The following TENM4 variants were observed in gnomAD, a reference collection of about 807,000 sequenced individuals.
The protein encoded by TENM4 is teneurin transmembrane protein 4.
Under a neutral mutation model 243.3 loss-of-function variants are expected in TENM4, and 82 were observed. The observed-to-expected ratio is 0.34, with a 90% CI of 0.28 to 0.40. The LOEUF (loss-of-function observed/expected upper bound fraction) is 0.40. Among genes scored for constraint, TENM4 ranks in the 10% least tolerant of loss-of-function variants. The probability of loss-of-function intolerance (pLI) is 1.00; values close to 1 mark genes in which losing one functional copy is unlikely to be tolerated. For synonymous variants in TENM4, 1,412 were observed against 1,456.3 expected (o/e 0.97, Z 0.69); for missense variants, 3,138 against 3,673.3 (o/e 0.85, Z 3.77).
At chr11:79,333,249 T>A (rs1466986237) in intron 1 of TENM4, among the ~76,000 whole-genome samples, 2 of 151,596 alleles carry the variant, frequency 1.3e-5, no homozygotes, top group African/African-American at 4.9e-5. Flanking sequence ...CATCCATCTA[T>A]CCATCCATCC....
At chr11:79,407,214 T>C (rs1354206772) in intron 1 of TENM4, among the ~76,000 whole-genome samples, 2 of 152,226 alleles carry the variant, frequency 1.3e-5, no homozygotes, top group East Asian at 1.9e-4. Context: ...ATCATTCTAC[T>C]TACTGCTAAG....
At position 79,440,852 on chromosome 11, in the gene TENM4, C is replaced by CGCGCGT. The variant is rs1468614577; in HGVS notation, c.-665_-664insACGCGC. The CGCGCGT allele has an allele frequency of 7.6e-6, 1 of 132,236 alleles. No homozygotes were observed. The highest frequency in any genetic ancestry group is 7.7e-5 in the Admixed American group (1 of 13,002). 8.2% of individuals were successfully genotyped at this position (132,236 alleles called of 1,614,324 possible). ...GGGTTGGGGCGGGTGTGTGCGCGCG[C>CGCGCGT]GTGTGTGAGTGTGTGTGTGTGTGTG... On this transcript the variant is annotated 5_prime_UTR_variant, in exon 1 of 34. Coordinates refer to ENST00000278550, the MANE Select transcript of TENM4 (RefSeq NM_001098816.3). This position sits in a 1 kb window ranked among gnomAD's most constrained non-coding sequence, Gnocchi z 4.7.
At chr11:79,060,266 C>A (rs74646420) in intron 6 of TENM4, among the ~76,000 whole-genome samples, 1 of 152,118 alleles carries the variant, frequency 6.6e-6, no homozygotes, top group African/African-American at 2.4e-5. Flanking sequence ...CTGAAGGCCC[C>A]GAGTAGGAAG....
intron 15 of TENM4, 105 bp downstream of exon 15, chr11:78,805,187 C>T (rs1318253219): frequency 7.8e-5 from 57 of 727,752 alleles, no homozygotes; most frequent in South Asian, 9.8e-5. Context: ...CTCAGAGGCA[C>T]GGGGAATGCA....
At chr11:78,932,027 C>G (rs995416531) in intron 6 of TENM4, among the ~76,000 whole-genome samples, 1 of 152,134 alleles carries the variant, frequency 6.6e-6, no homozygotes. Context: ...ATGGCTACTT[C>G]ATAGGGTTAT....
intron 1 of TENM4, among the ~76,000 whole-genome samples, chr11:79,358,032 T>G (rs1182459890): frequency 3.3e-5 from 5 of 152,216 alleles, no homozygotes; most frequent in Non-Finnish European, 5.9e-5. Flanking sequence ...GTAATTACCA[T>G]GCCCTGAGCT....
chr11:79,424,633 C>CAAAA (rs58550229), intron 1 of TENM4, among the ~76,000 whole-genome samples: 2 of 134,202 alleles, frequency 1.5e-5, no homozygotes, highest in African/African-American at 2.7e-5. Flanking sequence ...ACCCTGTCTC[C>CAAAA]AAAAAAAAAA....
At chr11:79,116,762 A>G (rs1020987627) in intron 4 of TENM4, among the ~76,000 whole-genome samples, 1 of 152,206 alleles carries the variant, frequency 6.6e-6, no homozygotes, top group African/African-American at 2.4e-5. Context: ...TAGACCTCAG[A>G]TTCCAATTCT....
chr11:78,850,061 C>CTGTGTGTGTGTG (rs142162971), intron 12 of TENM4, among the ~76,000 whole-genome samples: 1 of 149,788 alleles, frequency 6.7e-6, no homozygotes, highest in Non-Finnish European at 1.5e-5. Flanking sequence ...TTTCAGTGCT[C>CTGTGTGTGTGTG]TGTGTGTGTG....
intron 1 of TENM4, among the ~76,000 whole-genome samples, chr11:79,423,676 G>A (rs1337380217): frequency 6.6e-6 from 1 of 151,742 alleles, no homozygotes; most frequent in Admixed American, 6.6e-5. Context: ...AGCAGCAGGC[G>A]CAGGGAGGGT....
At chr11:79,107,835 C>A (rs554340124) in intron 4 of TENM4, among the ~76,000 whole-genome samples, 5 of 152,304 alleles carry the variant, frequency 3.3e-5, no homozygotes, top group African/African-American at 9.6e-5. Flanking sequence ...TACTGTCAAC[C>A]CTATTTGAGC....
At chr11:79,357,128 A>C (rs1383393088) in intron 1 of TENM4, among the ~76,000 whole-genome samples, 1 of 152,192 alleles carries the variant, frequency 6.6e-6, no homozygotes, top group Non-Finnish European at 1.5e-5. Context: ...ACATGGTGCG[A>C]GATGCTTCAT....
In TENM4 at chr11:79,298,521, CAAAAAAAAA is replaced by C. The variant is rs61373828; in HGVS notation, c.-320-987_-320-979del. Among the ~76,000 whole-genome samples, 5 of 17,268 alleles carry C rather than the reference CAAAAAAAAA, an allele frequency of 2.9e-4. No homozygotes were observed. The South Asian group carries it at 9.3e-3, about 32-fold the overall frequency. 11.3% of individuals were successfully genotyped at this position (17,268 alleles called of 152,430 possible). A position where few individuals can be genotyped will look rare whatever the true frequency, so the allele number is the denominator to read the frequency against. ...TGGGTGACAGAGCAAGACTCCGTCTCAAAAAAAAAAAAAAAAAAAAAAAAAAAGAAAAAC... is the reference window on the plus strand; with the variant it reads ...TGGGTGACAGAGCAAGACTCCGTCTCAAAAAAAAAAAAAAAAAAGAAAAAC... On this transcript the variant is annotated intron_variant, in intron 1 of 33. Transcript: ENST00000278550.
chr11:78,976,461 A>G (rs1857657385), intron 6 of TENM4, among the ~76,000 whole-genome samples: 2 of 152,274 alleles, frequency 1.3e-5, no homozygotes, highest in Non-Finnish European at 2.9e-5. Context: ...AGCATATACT[A>G]AGAGATATTT....
chr11:78,976,147 A>G (rs1480325760), intron 6 of TENM4, among the ~76,000 whole-genome samples: 1 of 152,238 alleles, frequency 6.6e-6, no homozygotes, highest in African/African-American at 2.4e-5. Context: ...TGGGAAGAGG[A>G]CAATAATGTT....
intron 6 of TENM4, among the ~76,000 whole-genome samples, chr11:78,953,202 A>T (rs1382413422): frequency 6.6e-6 from 1 of 152,208 alleles, no homozygotes; most frequent in Non-Finnish European, 1.5e-5. Flanking sequence ...GGCTCCAGCA[A>T]GAGCATCTGA....
At chr11:79,105,843 C>T (rs1024938242) in intron 4 of TENM4, among the ~76,000 whole-genome samples, 17 of 152,162 alleles carry the variant, frequency 1.1e-4, no homozygotes, top group Admixed American at 2.6e-4. Context: ...CAGCTTATGC[C>T]GGGTGAACTC....
At chr11:79,386,960 G>A (rs887437319) in intron 1 of TENM4, among the ~76,000 whole-genome samples, 3 of 152,060 alleles carry the variant, frequency 2.0e-5, no homozygotes, top group Non-Finnish European at 4.4e-5. Context: ...AATGTTCACC[G>A]AAGCACCATT....
At chr11:78,844,857 T>C (rs1858354476) in intron 12 of TENM4, among the ~76,000 whole-genome samples, 1 of 152,232 alleles carries the variant, frequency 6.6e-6, no homozygotes, top group Admixed American at 6.5e-5. Context: ...ACTCAGTTTG[T>C]GGTATTTTGT....
Sources: allele counts gnomAD v4.1 joint callset (sites outside exome capture counted in the v4.1 genomes callset), GRCh38; gene constraint gnomAD v4.1.1; non-coding constraint Gnocchi (gnomAD v3.1); transcripts MANE v1.5; gene names NCBI Gene and HGNC (gene_info 2026-07-23, HGNC 2026-07-21).